The following LCK variants were observed in gnomAD, a reference collection of about 807,000 sequenced individuals.
The protein encoded by LCK is LCK proto-oncogene, Src family tyrosine kinase.
A neutral mutation model predicts 64.6 loss-of-function variants in LCK; 14 were observed. The observed-to-expected ratio is 0.22, with a 90% CI of 0.14 to 0.34. The LOEUF is 0.34. LCK is among the 10% of genes least tolerant of loss of function. The pLI, the probability that LCK is intolerant of heterozygous loss-of-function variation, is 1.00. For missense variants in LCK, 434 were observed against 668.1 expected (o/e 0.65, Z 3.86); for synonymous variants, 277 against 263.6 (o/e 1.05, Z -0.49).
intron 1 of LCK, among the ~76,000 whole-genome samples, chr1:32,252,768 G>A (rs1389326456): frequency 6.6e-6 from 1 of 152,218 alleles, no homozygotes; most frequent in Non-Finnish European, 1.5e-5. Context: ...AGGGGAGAAG[G>A]TGTCTCTTAA....
At chr1:32,271,701 C>T (rs1569941275) in intron 1 of LCK, among the ~76,000 whole-genome samples, 1 of 152,278 alleles carries the variant, frequency 6.6e-6, no homozygotes, top group East Asian at 1.9e-4. Flanking sequence ...GGAGATTAGG[C>T]TTGCTGGTTT....
At chr1:32,264,828 G>T (rs960383486) in intron 1 of LCK, among the ~76,000 whole-genome samples, 35 of 152,138 alleles carry the variant, frequency 2.3e-4, no homozygotes, top group African/African-American at 7.9e-4. Flanking sequence ...AAACTCCGGG[G>T]CTCAATCGAT....
intron 12 of LCK, among the ~76,000 whole-genome samples, chr1:32,280,622 A>AT (rs1298183022): frequency 1.3e-5 from 2 of 150,944 alleles, no homozygotes; most frequent in Non-Finnish European, 3.0e-5. Flanking sequence ...TGCGCAGCTA[A>AT]TTTTTTGTAT....
chr1:32,286,041 T>G lies in LCK; in HGVS notation c.*325T>G. The G allele has an allele frequency of 2.4e-6, 1 of 409,566 alleles. No individual in the cohort carries two copies. 25.4% of individuals were successfully genotyped at this position (409,566 alleles called of 1,614,324 possible). On this transcript the variant is annotated 3_prime_UTR_variant, in exon 13 of 13. Coordinates refer to ENST00000336890, the MANE Select transcript of LCK (RefSeq NM_005356.5). ...GAAGCTTCTGCCCACCTACTTTTCT[T>G]TCCTCAGATCATCCAGAAGTTCCTC...
At chr1:32,271,650 T>C (rs944785330) in intron 1 of LCK, among the ~76,000 whole-genome samples, 2 of 152,086 alleles carry the variant, frequency 1.3e-5, no homozygotes, top group African/African-American at 4.8e-5. Flanking sequence ...GGCAAGAGAG[T>C]GACACTTTAT....
At chr1:32,279,486 C>A in intron 9 of LCK, 185 bp from the exon 10 acceptor site, 1 of 1,070,752 alleles carries the variant, frequency 9.3e-7, no homozygotes, top group Non-Finnish European at 1.3e-6. Flanking sequence ...CTACCCTAGC[C>A]CCTCTGCAAA....
At chr1:32,272,609 G>GAGAGAGAGAGAGAAAGAA (rs1640111662) in intron 1 of LCK, among the ~76,000 whole-genome samples, 1 of 148,214 alleles carries the variant, frequency 6.7e-6, no homozygotes, top group East Asian at 1.9e-4. Context: ...GAGAGAAAGA[G>GAGAGAGAGAGAGAAAGAA]AGAGAGAGAG....
intron 9 of LCK, among the ~76,000 whole-genome samples, chr1:32,277,730 T>C (rs965583333): frequency 6.6e-6 from 1 of 152,228 alleles, no homozygotes; most frequent in African/African-American, 2.4e-5. Context: ...AGAGTCTGAC[T>C]GCCTGGGTCA....
At position 32,275,509 on chromosome 1, in the gene LCK, G is replaced by A; in HGVS notation, c.378-60G>A. ...GCCTGGGGTGGCGGTGAAGGCTTGA[G>A]GGCCACGGAGGAAGATCCGACGACA... On this transcript the variant is annotated intron_variant, in intron 5 of 12. Coordinates refer to ENST00000336890, the MANE Select transcript of LCK (RefSeq NM_005356.5). The surrounding 1 kb of genome is among the most constrained non-coding windows in gnomAD (Gnocchi z 6.9). The A allele has an allele frequency of 6.4e-7, 1 of 1,554,504 alleles. No individual in the cohort carries two copies. Among genetic ancestry groups the A allele is most frequent in the Non-Finnish European group, 8.8e-7 (1 of 1,141,006 alleles).
At chr1:32,262,398 G>A (rs944482690) in intron 1 of LCK, among the ~76,000 whole-genome samples, 4 of 148,724 alleles carry the variant, frequency 2.7e-5, no homozygotes, top group African/African-American at 7.3e-5. Flanking sequence ...CTACTTGGGA[G>A]GCTGTGGCAG....
intron 1 of LCK, among the ~76,000 whole-genome samples, chr1:32,252,277 G>A (rs558126088): frequency 6.6e-6 from 1 of 152,060 alleles, no homozygotes; most frequent in Non-Finnish European, 1.5e-5. Context: ...GCTCCCTCCC[G>A]CTTCAGCCCT....
At chr1:32,258,214 T>G (rs1639674364) in intron 1 of LCK, among the ~76,000 whole-genome samples, 2 of 151,204 alleles carry the variant, frequency 1.3e-5, no homozygotes, top group Admixed American at 1.3e-4. Flanking sequence ...GCCCAGGTGG[T>G]TGAGGCTGCA....
chr1:32,254,488 G>C (rs1054164286), intron 1 of LCK, among the ~76,000 whole-genome samples: 4 of 151,942 alleles, frequency 2.6e-5, no homozygotes, highest in Non-Finnish European at 5.9e-5. Context: ...GTCTGGCTAA[G>C]TTTTGTGGGG....
rs547433142 is a variant in LCK, at chr1:32,258,273, AT to A, written c.-6+6903del. Among the ~76,000 whole-genome samples the A allele has an allele frequency of 8.7e-5, 13 of 150,220 alleles. 1 individual carries two copies. In the South Asian group the frequency reaches 1.7e-3, roughly 20 times the overall value. ...ACTCCAGCCTGGGCAACAGAGTGAG[AT>A]CCCATCTCTAAAGGAAAAAAAAAAA... On this transcript the variant is annotated intron_variant, in intron 1 of 12. Coordinates refer to ENST00000336890, the MANE Select transcript of LCK (RefSeq NM_005356.5).
chr1:32,278,432 G>A (rs1054329986), intron 9 of LCK, among the ~76,000 whole-genome samples: 1 of 151,746 alleles, frequency 6.6e-6, no homozygotes, highest in African/African-American at 2.4e-5. Context: ...TCCCCCTCCT[G>A]GGTTCAAATG....
At chr1:32,269,444 T>C (rs1236392327) in intron 1 of LCK, 3 of 151,752 alleles carry the variant, frequency 2.0e-5, no homozygotes, top group African/African-American at 7.3e-5. Context: ...TCTGTTTTTT[T>C]TTCTTTTGAG....
chr1:32,275,621 C>T lies in LCK; in HGVS notation c.430C>T (p.Pro144Ser), dbSNP rs769580260. The T allele has an allele frequency of 7.0e-6, 11 of 1,573,738 alleles. No individual in the cohort carries two copies. The highest frequency in any genetic ancestry group is 8.6e-6 in the Non-Finnish European group (10 of 1,160,060). Residue 144 changes from proline (P) to serine (S), a missense_variant, in exon 6 of 13, where the codon CCC becomes TCC. By Grantham distance (74) the Pro-to-Ser change is moderately conservative. Transcript: ENST00000336890. This position sits in a 1 kb window ranked among gnomAD's most constrained non-coding sequence, Gnocchi z 6.9. Reference sequence around the variant, plus strand: ...GGACGCGGAGCGGCAGCTCCTGGCGCCCGGGAACACTCACGGCTCCTTCCT... The same window carrying T: ...GGACGCGGAGCGGCAGCTCCTGGCGTCCGGGAACACTCACGGCTCCTTCCT... ...RKDAERQLLA[P>S]GNTHGSFLIR...
At position 32,275,174 on chromosome 1, in the gene LCK, G is replaced by T; in HGVS notation, c.278+91G>T. The T allele has an allele frequency of 6.8e-7, 1 of 1,472,410 alleles. No homozygotes were observed. The highest frequency in any genetic ancestry group is 9.4e-7 in the Non-Finnish European group (1 of 1,062,576). The allele number at this position is 1,472,410 out of a possible 1,614,324, so 91.2% of individuals were successfully genotyped here. ...CCCTCCTGCGGCCCTTGACCAGCTC[G>T]GGGTGGCCGCCCTTGGGACAAAATT... On this transcript the variant is annotated intron_variant, in intron 4 of 12. Transcript: ENST00000336890. The surrounding 1 kb of genome is among the most constrained non-coding windows in gnomAD (Gnocchi z 6.9).
chr1:32,283,716 T>C (rs1640529263), intron 12 of LCK, among the ~76,000 whole-genome samples: 1 of 152,138 alleles, frequency 6.6e-6, no homozygotes, highest in Non-Finnish European at 1.5e-5. Flanking sequence ...TCTGCTTTGC[T>C]AGGCCCAGGG....
Sources: gnomAD v4.1 joint callset for allele counts (sites outside exome capture counted in the v4.1 genomes callset) on GRCh38, gnomAD v4.1.1 for gene constraint, Gnocchi (gnomAD v3.1) non-coding constraint, MANE v1.5 for transcripts, NCBI Gene and HGNC (gene_info 2026-07-23, HGNC 2026-07-21) for gene names.